The following SLC8A3 variants were observed in gnomAD, a reference collection of about 807,000 sequenced individuals.
The protein encoded by SLC8A3 is sodium/calcium exchanger 3.
In SLC8A3, 37 loss-of-function variants were observed where a neutral mutation model predicts 65.4. The observed-to-expected ratio is 0.57, with a 90% CI of 0.44 to 0.74. The LOEUF is 0.74. SLC8A3 is among the 30% of genes least tolerant of loss of function. The probability of loss-of-function intolerance (pLI) is 0.00; values close to 1 mark genes in which losing one functional copy is unlikely to be tolerated. For missense variants in SLC8A3, 1,112 were observed against 1,172.1 expected (o/e 0.95, Z 0.75); for synonymous variants, 461 against 444.5 (o/e 1.04, Z -0.47).
chr14:70,097,336 A>G (rs1892254207), intron 2 of SLC8A3, among the ~76,000 whole-genome samples: 1 of 152,096 alleles, frequency 6.6e-6, no homozygotes. Context: ...TCCCAGCAGC[A>G]CATCTGCAGA....
In SLC8A3 at chr14:70,060,845, C is replaced by T. The variant is rs752285876; in HGVS notation, c.1879G>A (p.Gly627Arg). ...TTAAAGAATCTCACACCTGATATTC[C>T]ACGTTCCATCCATTTCGGTTCACCA... is the stretch of plus-strand genomic sequence containing the variant. Reference protein sequence around the residue: ...ALGEPKWMERGISDVTDRKLT... With the variant: ...ALGEPKWMERRISDVTDRKLT... The change falls in exon 3 of 7, where the codon GGA becomes AGA. Residue 627 changes from glycine to arginine, a missense_variant. Coordinates refer to ENST00000356921, the MANE Select transcript of SLC8A3 (RefSeq NM_182932.3). 2.0e-6 allele frequency: 3 copies of T among 1,472,694 alleles called. No individual in the cohort carries two copies. The highest frequency in any genetic ancestry group is 1.9e-6 in the Non-Finnish European group (2 of 1,074,828). 91.2% of individuals were successfully genotyped at this position (1,472,694 alleles called of 1,614,324 possible). A position where few individuals can be genotyped will look rare whatever the true frequency, so the allele number is the denominator to read the frequency against.
At chr14:70,142,347 G>A (rs1371126323) in intron 2 of SLC8A3, among the ~76,000 whole-genome samples, 1 of 152,226 alleles carries the variant, frequency 6.6e-6, no homozygotes, top group Non-Finnish European at 1.5e-5. Context: ...AGCAGGATGT[G>A]GGGTGAGGGT....
At chr14:70,081,250 G>A (rs1891029714) in intron 2 of SLC8A3, among the ~76,000 whole-genome samples, 1 of 152,060 alleles carries the variant, frequency 6.6e-6, no homozygotes, top group Non-Finnish European at 1.5e-5. Flanking sequence ...AGAAACATCT[G>A]GTATAATTGT....
rs1244934408 is a variant in SLC8A3 at position 70,115,554 on chromosome 14, C to A, written c.1784+51085G>T. On this transcript the variant is annotated intron_variant, in intron 2 of 6. Transcript: ENST00000356921. ...GCACAATTCCTAGCACACAGTAAGG[C>A]CTGACACATATCAGGTGCTCTTATT... is the stretch of plus-strand genomic sequence containing the variant. 6.6e-5 allele frequency among the ~76,000 whole-genome samples: 10 copies of A among 152,178 alleles called. No individual in the cohort carries two copies. In the East Asian group the frequency reaches 1.9e-3, roughly 29 times the overall value.
At chr14:70,064,403 G>A (rs969854699) in intron 2 of SLC8A3, among the ~76,000 whole-genome samples, 2 of 151,738 alleles carry the variant, frequency 1.3e-5, no homozygotes, top group Admixed American at 6.5e-5. Context: ...ATCAGCTGAC[G>A]TTGATCCAAA....
Position 70,064,522 on chromosome 14 carries a change from G to A in SLC8A3, c.1785-3583C>T, listed in dbSNP as rs369784621. ...TGGCAGTGACTATTCTATGGGAGCC[G>A]GCGGGAGGGTTGGGTCGGGGGTGGT... On this transcript the variant is annotated intron_variant, in intron 2 of 6. Transcript: ENST00000356921. Among the ~76,000 whole-genome samples the A allele has an allele frequency of 2.6e-4, 39 of 151,868 alleles. No individual in the cohort carries two copies. In the East Asian group the frequency reaches 3.3e-3, roughly 13 times the overall value.
At chr14:70,071,815 A>G (rs955574058) in intron 2 of SLC8A3, among the ~76,000 whole-genome samples, 6 of 152,200 alleles carry the variant, frequency 3.9e-5, no homozygotes, top group African/African-American at 1.4e-4. Context: ...AGGCTTATTT[A>G]TTTTATGGAG....
At chr14:70,155,551 C>T (rs557615195) in intron 2 of SLC8A3, among the ~76,000 whole-genome samples, 233 of 152,280 alleles carry the variant, frequency 1.5e-3, no homozygotes, top group Non-Finnish European at 2.9e-3. Flanking sequence ...TTTCTTAGAC[C>T]TAGAATCAAG....
intron 2 of SLC8A3, among the ~76,000 whole-genome samples, chr14:70,146,194 C>T (rs893826418): frequency 3.3e-5 from 5 of 152,118 alleles, no homozygotes; most frequent in Non-Finnish European, 7.4e-5. Flanking sequence ...CAGCATTCGG[C>T]TGAATAAAAT....
intron 2 of SLC8A3, among the ~76,000 whole-genome samples, chr14:70,137,714 T>C (rs1482441258): frequency 2.0e-5 from 3 of 151,718 alleles, no homozygotes; most frequent in Non-Finnish European, 4.4e-5. Flanking sequence ...TATTTCAAGG[T>C]TAGATGCCAA....
chr14:70,064,520 C>T (rs178923), intron 2 of SLC8A3, among the ~76,000 whole-genome samples: 72,068 of 146,490 alleles, frequency 0.49, 18,035 homozygotes, highest in African/African-American at 0.61. Context: ...TCTATGGGAG[C>T]CGGCGGGAGG....
Position 70,188,444 on chromosome 14 carries a change from C to G in SLC8A3, c.-128G>C, listed in dbSNP as rs1380666587. ...GGGGTGAGGAAGGTACGCGATGCCC[C>G]CGCCGCCCGGCGCCTCACCGGTCGC... On this transcript the variant is annotated 5_prime_UTR_variant, in exon 1 of 7. Transcript: ENST00000356921. The G allele has an allele frequency of 6.6e-6, 1 of 152,032 alleles. No homozygotes were observed. The highest frequency in any genetic ancestry group is 2.4e-5 in the African/African-American group (1 of 41,406). The allele number at this position is 152,032 out of a possible 1,614,324, so 9.4% of individuals were successfully genotyped here.
chr14:70,094,206 G>A (rs1465405024), intron 2 of SLC8A3, among the ~76,000 whole-genome samples: 1 of 152,234 alleles, frequency 6.6e-6, no homozygotes, highest in Non-Finnish European at 1.5e-5. Context: ...AAAGATGGAG[G>A]CTTTGGAGAT....
chr14:70,179,370 G>A (rs1882525643), intron 1 of SLC8A3, among the ~76,000 whole-genome samples: 2 of 152,136 alleles, frequency 1.3e-5, no homozygotes, highest in Non-Finnish European at 2.9e-5. Flanking sequence ...GCAGGAATCT[G>A]GTCCCTTTTG....
intron 5 of SLC8A3, among the ~76,000 whole-genome samples, chr14:70,049,480 T>TC (rs1399885563): frequency 6.6e-6 from 1 of 152,036 alleles, no homozygotes. Flanking sequence ...CTGGAGCCTG[T>TC]CAGGGGTGAG....
chr14:70,137,938 G>A (rs1411416753), intron 2 of SLC8A3, among the ~76,000 whole-genome samples: 1 of 152,110 alleles, frequency 6.6e-6, no homozygotes, highest in East Asian at 1.9e-4. Flanking sequence ...TCATTCCCAT[G>A]TCAGGCAATG....
At chr14:70,061,687 G>A (rs1888822398) in intron 2 of SLC8A3, among the ~76,000 whole-genome samples, 1 of 152,102 alleles carries the variant, frequency 6.6e-6, no homozygotes, top group African/African-American at 2.4e-5. Context: ...TATTACATAG[G>A]AATCCTTTAC....
intron 3 of SLC8A3, among the ~76,000 whole-genome samples, chr14:70,055,100 C>T (rs993303609): frequency 5.9e-5 from 9 of 152,086 alleles, no homozygotes; most frequent in South Asian, 4.1e-4. Context: ...AGTAGGTGTA[C>T]GTCCTCTATA....
chr14:70,093,423 C>T (rs1244648122), intron 2 of SLC8A3, among the ~76,000 whole-genome samples: 1 of 152,196 alleles, frequency 6.6e-6, no homozygotes, highest in East Asian at 1.9e-4. Context: ...AGCTTCACTT[C>T]TCTGGGCCCT....
Sources: allele counts gnomAD v4.1 joint callset (sites outside exome capture counted in the v4.1 genomes callset), GRCh38; gene constraint gnomAD v4.1.1; transcripts MANE v1.5; gene names NCBI Gene and HGNC (gene_info 2026-07-23, HGNC 2026-07-21).